TDRP: variants seen among roughly 807,000 people sequenced by gnomAD.
TDRP encodes the protein testis development-related protein.
Under a neutral mutation model 10.5 loss-of-function variants are expected in TDRP, and 12 were observed. The observed-to-expected ratio is 1.15, with a 90% CI of 0.73 to 1.86. The LOEUF (loss-of-function observed/expected upper bound fraction) is 1.86. Ranked by LOEUF, TDRP falls within the 40% of genes most tolerant of loss-of-function variation. TDRP has a pLI of 0.00. For missense variants in TDRP, 353 were observed against 229.2 expected (o/e 1.54, Z -3.49); for synonymous variants, 139 against 95.4 (o/e 1.46, Z -2.67).
At chr8:519,759 G>C (rs1051820777) in intron 1 of TDRP, among the ~76,000 whole-genome samples, 3 of 152,186 alleles carry the variant, frequency 2.0e-5, no homozygotes, top group African/African-American at 7.2e-5. Flanking sequence ...TTAAAGACAG[G>C]GTTTGGAATG....
intron 1 of TDRP, among the ~76,000 whole-genome samples, chr8:500,310 C>T (rs576476903): frequency 3.3e-5 from 5 of 152,300 alleles, no homozygotes; most frequent in South Asian, 2.1e-4. Flanking sequence ...ACGGCAGTGT[C>T]TTATCAAAAA....
At position 527,015 on chromosome 8, in the gene TDRP, G is replaced by T. The variant is rs553979173; in HGVS notation, c.108+17635C>A. Among the ~76,000 whole-genome samples, 4 of 152,278 alleles carry T rather than the reference G, an allele frequency of 2.6e-5. No individual in the cohort carries two copies. In the East Asian group the frequency reaches 5.8e-4, roughly 22 times the overall value. On this transcript the variant is annotated intron_variant, in intron 1 of 2. Coordinates refer to ENST00000324079, the MANE Select transcript of TDRP (RefSeq NM_001384899.1). The stretch of plus-strand genomic sequence containing the variant: ...CATGTCTGTAATCCCAGCATTTTGG[G>T]AGGCTGAGATGGGAGGATGGCTTGA...
chr8:518,158 C>T (rs906175412), intron 1 of TDRP, among the ~76,000 whole-genome samples: 2 of 152,126 alleles, frequency 1.3e-5, no homozygotes, highest in Non-Finnish European at 2.9e-5. Flanking sequence ...TCAATTTTAA[C>T]AAAGGCACCG....
intron 2 of TDRP, 72 bp from the exon 3 acceptor site, chr8:492,816 CAT>C (rs1801019811): frequency 1.7e-6 from 2 of 1,199,658 alleles, no homozygotes; most frequent in African/African-American, 1.5e-5. Context: ...ATTTTACAAA[CAT>C]AAAATTCTTT....
Position 514,876 on chromosome 8 carries a change from T to G in TDRP, c.109-20279A>C, listed in dbSNP as rs552086367. ...ATGGCACCAACAGGCAGGAGAGTTT[T>G]CTTTCACGGGGAGGGCTACTTTAAA... is the stretch of plus-strand genomic sequence containing the variant. On this transcript the variant is annotated intron_variant, in intron 1 of 2. Coordinates refer to ENST00000324079, the MANE Select transcript of TDRP (RefSeq NM_001384899.1). 2.5e-4 allele frequency among the ~76,000 whole-genome samples: 38 copies of G among 152,298 alleles called. 1 individual carries two copies. In the South Asian group the frequency reaches 7.5e-3, roughly 30 times the overall value.
chr8:520,914 G>C (rs59910244), intron 1 of TDRP, among the ~76,000 whole-genome samples: 4,820 of 151,898 alleles, frequency 0.032, 263 homozygotes, highest in African/African-American at 0.11. Context: ...TGTTTCCTTT[G>C]TTACATGTAA....
At chr8:519,816 C>G (rs1801852639) in intron 1 of TDRP, among the ~76,000 whole-genome samples, 2 of 152,210 alleles carry the variant, frequency 1.3e-5, no homozygotes, top group Admixed American at 1.3e-4. Context: ...ATGTGACCCA[C>G]CCTGATGGCT....
intron 1 of TDRP, among the ~76,000 whole-genome samples, chr8:528,018 G>C (rs550830614): frequency 3.2e-4 from 49 of 151,930 alleles, no homozygotes; most frequent in African/African-American, 1.2e-3. Flanking sequence ...ACCTGACAAG[G>C]GATTAAGAAT....
intron 1 of TDRP, among the ~76,000 whole-genome samples, chr8:525,193 T>C (rs970011447): frequency 6.6e-6 from 1 of 152,030 alleles, no homozygotes; most frequent in African/African-American, 2.4e-5. Context: ...GGAAAAACAT[T>C]TTTACCCTAG....
chr8:517,365 C>G (rs1454969508), intron 1 of TDRP, among the ~76,000 whole-genome samples: 1 of 152,160 alleles, frequency 6.6e-6, no homozygotes, highest in Non-Finnish European at 1.5e-5. Context: ...AGGTCTTTTC[C>G]TGAACAAGGA....
At chr8:541,219 A>G (rs1802487610) in intron 1 of TDRP, among the ~76,000 whole-genome samples, 1 of 152,256 alleles carries the variant, frequency 6.6e-6, no homozygotes, top group Non-Finnish European at 1.5e-5. Context: ...CTAATCTGTC[A>G]TAATTAACAC....
chr8:534,620 T>C (rs1022606942), intron 1 of TDRP, among the ~76,000 whole-genome samples: 2 of 152,034 alleles, frequency 1.3e-5, no homozygotes, highest in African/African-American at 2.4e-5. Context: ...AGCACAAACA[T>C]GTAAAAAAAA....
chr8:541,684 T>C (rs764195339), intron 1 of TDRP, among the ~76,000 whole-genome samples: 7 of 152,128 alleles, frequency 4.6e-5, no homozygotes, highest in African/African-American at 9.7e-5. Context: ...CATCAGGGAA[T>C]CGCAATTCAA....
chr8:529,225 C>T (rs1244614859), intron 1 of TDRP, among the ~76,000 whole-genome samples: 1 of 152,142 alleles, frequency 6.6e-6, no homozygotes, highest in Non-Finnish European at 1.5e-5. Context: ...TCCTTCAATC[C>T]AATCAAGTTG....
intron 1 of TDRP, among the ~76,000 whole-genome samples, chr8:534,072 T>C (rs1197336894): frequency 2.0e-5 from 3 of 152,068 alleles, no homozygotes; most frequent in African/African-American, 7.2e-5. Flanking sequence ...TGAAGAAAAA[T>C]GGTATCAGAA....
intron 1 of TDRP, among the ~76,000 whole-genome samples, chr8:496,226 C>T (rs539339438): frequency 4.3e-4 from 66 of 152,358 alleles, no homozygotes; most frequent in African/African-American, 1.5e-3. Flanking sequence ...GTCATGCTGA[C>T]AGCTTTGGCA....
chr8:529,127 T>G (rs1002101966), intron 1 of TDRP, among the ~76,000 whole-genome samples: 5 of 152,126 alleles, frequency 3.3e-5, no homozygotes, highest in African/African-American at 4.8e-5. Context: ...AGATTGGCGG[T>G]GGGTCTGCCT....
chr8:500,150 T>A (rs1482467435), intron 1 of TDRP, among the ~76,000 whole-genome samples: 2 of 152,180 alleles, frequency 1.3e-5, no homozygotes, highest in Non-Finnish European at 2.9e-5. Flanking sequence ...AGAAAGTAAG[T>A]TCCTGCACAA....
chr8:527,901 G>A (rs1257497614), intron 1 of TDRP, among the ~76,000 whole-genome samples: 1 of 152,048 alleles, frequency 6.6e-6, no homozygotes, highest in African/African-American at 2.4e-5. Context: ...AAGCAAAACT[G>A]GACAAATGGG....
Sources: gnomAD v4.1 joint callset for allele counts (sites outside exome capture counted in the v4.1 genomes callset) on GRCh38, gnomAD v4.1.1 for gene constraint, MANE v1.5 for transcripts, NCBI Gene and HGNC (gene_info 2026-07-23, HGNC 2026-07-21) for gene names.